Variants in DIDO1 observed in about 807,000 individuals in gnomAD.
The protein encoded by DIDO1 is death inducer-obliterator 1.
Under a neutral mutation model 99.4 loss-of-function variants are expected in DIDO1, and 16 were observed. The observed-to-expected ratio is 0.16, with a 90% CI of 0.11 to 0.24. DIDO1 has a LOEUF of 0.24. Among genes scored for constraint, DIDO1 ranks in the 10% least tolerant of loss-of-function variants. DIDO1 has a pLI of 1.00. For synonymous variants in DIDO1, 1,366 were observed against 1,239.1 expected, an observed-to-expected ratio of 1.10 and a Z score of -2.15; for missense variants, 2,996 against 3,014.0, an observed-to-expected ratio of 0.99 and a Z score of 0.14.
chr20:62,888,830 TGA>T (rs1457841261), intron 15 of DIDO1: 1 of 984,252 alleles, frequency 1.0e-6, no homozygotes, highest in African/African-American at 1.7e-5. Context: ...TGGAAGTGTG[TGA>T]GATTTCACGC....
At chr20:62,927,255 TAGAACTCAA>T (rs979432305), upstream of DIDO1, among the ~76,000 whole-genome samples, 17 of 152,214 alleles carry the variant, frequency 1.1e-4, 1 homozygote, top group Admixed American at 9.8e-4. Flanking sequence ...GACCAGTAGC[TAGAACTCAA>T]AGAACGCATG....
At chr20:62,895,292 C>G (rs567248893) in intron 8 of DIDO1, 127 bp from the exon 9 acceptor site, 2 of 815,404 alleles carry the variant, frequency 2.5e-6, no homozygotes, top group Admixed American at 2.0e-5. Context: ...GGCCCACTTG[C>G]GTGTGGCACT....
At chr20:62,932,797 G>T (rs935642258) in intron 1 of DIDO1, among the ~76,000 whole-genome samples, 3 of 152,198 alleles carry the variant, frequency 2.0e-5, no homozygotes, top group Non-Finnish European at 4.4e-5. Flanking sequence ...TGATTTAGTG[G>T]TATAATCTAG....
At position 62,922,915 on chromosome 20, in the gene DIDO1, G is replaced by GT. The variant is rs201653817; in HGVS notation, c.-200+3523dup. Among the ~76,000 whole-genome samples the GT allele has an allele frequency of 2.5e-3, 374 of 152,026 alleles. 3 individuals are homozygous for GT. Among genetic ancestry groups the GT allele is most frequent in the South Asian group, 0.017 (83 of 4,814 alleles). ...AGGAAGTACACACTAACTTATGAGT[G>GT]TTTTTTTTCTCACAAAGGTGACAAA... On this transcript the variant is annotated intron_variant, in intron 1 of 15. Transcript: ENST00000395343.
At chr20:62,890,861 G>A (rs930546228) in intron 15 of DIDO1, 99 bp downstream of exon 15, 1 of 1,600,326 alleles carries the variant, frequency 6.2e-7, no homozygotes, top group African/African-American at 1.3e-5. Flanking sequence ...CCTGCTCCCA[G>A]AGAGCCCTGG....
intron 12 of DIDO1, among the ~76,000 whole-genome samples, chr20:62,893,207 G>T (rs1485471502): frequency 1.3e-5 from 2 of 152,086 alleles, no homozygotes. Flanking sequence ...TGTCTTTTTT[G>T]TAGAGATGGA....
In DIDO1 at chr20:62,879,221, C is replaced by A; in HGVS notation, c.*12G>T. 1 of 1,481,986 alleles carries A rather than the reference C, an allele frequency of 6.7e-7. No individual in the cohort carries two copies. The highest frequency in any genetic ancestry group is 1.4e-5 in the South Asian group (1 of 72,744). The allele number at this position is 1,481,986 out of a possible 1,614,324, so 91.8% of individuals were successfully genotyped here. The stretch of plus-strand genomic sequence containing the variant: ...CGTGGCTTTAAAAAGGGTCTCTGCC[C>A]GGCCGGGGCGTCTAGGCCTGCGAGG... On this transcript the variant is annotated 3_prime_UTR_variant, in exon 16 of 16. Coordinates refer to ENST00000395343, the MANE Select transcript of DIDO1 (RefSeq NM_001193369.2). The surrounding 1 kb of genome is among the most constrained non-coding windows in gnomAD (Gnocchi z 6.3).
At chr20:62,884,831 T>C (rs528467024) in intron 15 of DIDO1, among the ~76,000 whole-genome samples, 1 of 152,000 alleles carries the variant, frequency 6.6e-6, no homozygotes, top group African/African-American at 2.4e-5. Flanking sequence ...GTCCCCCGGA[T>C]AGTAGCACGG....
At position 62,911,261 on chromosome 20, in the gene DIDO1, C is replaced by T. The variant is rs145185290; in HGVS notation, c.352G>A (p.Ala118Thr). The change falls in exon 3 of 16, where the codon GCT becomes ACT. Residue 118 changes from alanine to threonine, a missense_variant. Coordinates refer to ENST00000395343, the MANE Select transcript of DIDO1 (RefSeq NM_001193369.2). The surrounding 1 kb of genome is among the most constrained non-coding windows in gnomAD (Gnocchi z 7.0). ...ETASEGSVES[A>T]SETRSGPQSA... Reference sequence around the variant, plus strand: ...TGGGGGCCGCTTCTGGTCTCAGAAGCGCTTTCCACGCTGCCCTCGGAGGCT... The same window carrying T: ...TGGGGGCCGCTTCTGGTCTCAGAAGTGCTTTCCACGCTGCCCTCGGAGGCT... 1.4e-5 allele frequency: 23 copies of T among 1,612,890 alleles called. No homozygotes were observed. In the Admixed American group the frequency reaches 1.5e-4, roughly 11 times the overall value.
chr20:62,880,040 G>A lies in DIDO1; in HGVS notation c.5916C>T (p.Val1972=). The A allele has an allele frequency of 6.2e-7, 1 of 1,611,246 alleles. No homozygotes were observed. Among genetic ancestry groups the A allele is most frequent in the East Asian group, 2.2e-5 (1 of 44,884 alleles). ...GGTTTGTGAATCTTGGTGGTGAATG[G>A]ACCCTCTGGTCTTCGAACTGCTGAG... ...IQPQQFEDQR[V]HSPPRFTNQR... The change falls in exon 16 of 16, where the codon GTC becomes GTT. Residue 1972 remains valine, a synonymous_variant. Transcript: ENST00000395343.
At chr20:62,916,464 G>A (rs963928535) in intron 1 of DIDO1, among the ~76,000 whole-genome samples, 3 of 152,154 alleles carry the variant, frequency 2.0e-5, no homozygotes, top group African/African-American at 7.2e-5. Flanking sequence ...TTTACAAGTT[G>A]AGAACACCAA....
intron 15 of DIDO1, among the ~76,000 whole-genome samples, chr20:62,886,734 T>TG (rs1270227231): frequency 2.0e-5 from 3 of 152,162 alleles, no homozygotes; most frequent in Non-Finnish European, 2.9e-5. Context: ...CCACTATCAG[T>TG]GATTTAAAAT....
At chr20:62,903,577 G>A (rs949478314) in intron 6 of DIDO1, among the ~76,000 whole-genome samples, 10 of 152,326 alleles carry the variant, frequency 6.6e-5, no homozygotes, top group South Asian at 6.2e-4. Flanking sequence ...AAAGTGCAGA[G>A]GTGTTTAGGG....
At chr20:62,922,603 G>T (rs1449473417) in intron 1 of DIDO1, among the ~76,000 whole-genome samples, 1 of 152,156 alleles carries the variant, frequency 6.6e-6, no homozygotes, top group East Asian at 1.9e-4. Flanking sequence ...TCCTGTCTGT[G>T]AAATGGGGAC....
chr20:62,907,064 C>T (rs538694477), intron 5 of DIDO1, 83 bp downstream of exon 5: 18 of 1,448,850 alleles, frequency 1.2e-5, no homozygotes, highest in Middle Eastern at 1.8e-4. Context: ...CACCCCCACA[C>T]GGTCTACAAA....
Position 62,894,275 on chromosome 20 carries a change from T to A in DIDO1, c.2573-81A>T. On this transcript the variant is annotated intron_variant, in intron 11 of 15. Transcript: ENST00000395343. The surrounding 1 kb of genome is among the most constrained non-coding windows in gnomAD (Gnocchi z 4.4). Reference sequence around the variant, plus strand: ...TCACACAAAGCCGAAAGCAATACTCTAAAGGCAGGGCAGGAAATCATTCTG... The same window carrying A: ...TCACACAAAGCCGAAAGCAATACTCAAAAGGCAGGGCAGGAAATCATTCTG... 6.3e-7 allele frequency: 1 copy of A among 1,576,480 alleles called. No individual in the cohort carries two copies.
chr20:62,910,852 A>C lies in DIDO1; in HGVS notation c.761T>G (p.Leu254Trp), dbSNP rs1420891716. 1 of 1,614,168 alleles carries C rather than the reference A, an allele frequency of 6.2e-7. No individual in the cohort carries two copies. Among genetic ancestry groups the C allele is most frequent in the South Asian group, 1.1e-5 (1 of 91,076 alleles). ...QDIKDEEPGD[L>W]GRPKPECEGY... ...CTCACATTCAGGCTTCGGTCGGCCCAAGTCTCCAGGCTCCTCATCTTTGAT... is the reference window on the plus strand; with the variant it reads ...CTCACATTCAGGCTTCGGTCGGCCCCAGTCTCCAGGCTCCTCATCTTTGAT... Residue 254 changes from leucine to tryptophan, a missense_variant, in exon 3 of 16, where the codon TTG (leucine) becomes TGG (tryptophan). Coordinates refer to ENST00000395343, the MANE Select transcript of DIDO1 (RefSeq NM_001193369.2).
Position 62,893,759 on chromosome 20 carries a change from A to G in DIDO1, c.3008T>C (p.Leu1003Ser). The G allele has an allele frequency of 6.2e-7, 1 of 1,614,234 alleles. No homozygotes were observed. Among genetic ancestry groups the G allele is most frequent in the Non-Finnish European group, 8.5e-7 (1 of 1,180,040 alleles). Residue 1003 changes from leucine to serine, a missense_variant, in exon 12 of 16, where the codon TTG becomes TCG. Leu to Ser is a moderately radical substitution (Grantham distance 145). Coordinates refer to ENST00000395343, the MANE Select transcript of DIDO1 (RefSeq NM_001193369.2). ...EARQDVPKPV[L>S]TSVMVPKSIL... ...GGACTTGGGCACCATCACAGAAGTC[A>G]AGACAGGCTTCGGCACATCCTGTCT...
intron 6 of DIDO1, chr20:62,904,957 C>T (rs1268439223): frequency 2.0e-6 from 2 of 981,274 alleles, no homozygotes; most frequent in Non-Finnish European, 2.4e-6. Context: ...CCTTTCGGTG[C>T]TTTTTAAAAA....
Sources: allele counts gnomAD v4.1 joint callset (sites outside exome capture counted in the v4.1 genomes callset), GRCh38; gene constraint gnomAD v4.1.1; non-coding constraint Gnocchi (gnomAD v3.1); transcripts MANE v1.5; gene names NCBI Gene and HGNC (gene_info 2026-07-23, HGNC 2026-07-21).